The following WASHC4 variants were observed in gnomAD, a reference collection of about 807,000 sequenced individuals.
WASHC4 encodes the protein WASH complex subunit 4, also known as WASH complex subunit 7.
WASHC4 carries 86 observed loss-of-function variants against 166.6 expected under a neutral mutation model. The observed-to-expected ratio is 0.52, with a 90% CI of 0.43 to 0.62. The LOEUF (loss-of-function observed/expected upper bound fraction) is 0.62. WASHC4 is among the 20% of genes least tolerant of loss of function. WASHC4 has a pLI of 0.00. For missense variants in WASHC4, 1,262 were observed against 1,382.4 expected (o/e 0.91, Z 1.38); for synonymous variants, 446 against 451.6 (o/e 0.99, Z 0.16).
At chr12:105,146,364 G>T in intron 22 of WASHC4, 88 bp from the exon 23 acceptor site, 1 of 818,764 alleles carries the variant, frequency 1.2e-6, no homozygotes, top group Non-Finnish European at 2.1e-6. Context: ...TTAGGAAACA[G>T]TATAATCAAT....
chr12:105,108,052 G>A (rs1226566474), intron 1 of WASHC4, among the ~76,000 whole-genome samples, 191 bp downstream of exon 1: 1 of 152,196 alleles, frequency 6.6e-6, no homozygotes, highest in African/African-American at 2.4e-5. Context: ...GCCACGGCGG[G>A]TCAGGCTGCC....
chr12:105,137,895 T>C lies in WASHC4; in HGVS notation c.1336T>C (p.Tyr446His). The change falls in exon 15 of 33, where the codon TAT becomes CAT. Residue 446 changes from tyrosine (Y) to histidine (H), a missense_variant. Coordinates refer to ENST00000332180, the MANE Select transcript of WASHC4 (RefSeq NM_015275.3). Reference protein sequence around the residue: ...RCNVFIQGFLYAYSISTIIKT... With the variant: ...RCNVFIQGFLHAYSISTIIKT... Reference sequence around the variant, plus strand: ...ATGTTTTCCTTTACAGGGCTTCTTGTATGCATATAGTATTAGTACCATTAT... The same window carrying C: ...ATGTTTTCCTTTACAGGGCTTCTTGCATGCATATAGTATTAGTACCATTAT... 1 of 1,606,244 alleles carries C rather than the reference T, an allele frequency of 6.2e-7. No homozygotes were observed. Among genetic ancestry groups the C allele is most frequent in the Non-Finnish European group, 8.5e-7 (1 of 1,173,296 alleles).
chr12:105,160,190 A>C, intron 29 of WASHC4, 42 bp downstream of exon 29: 1 of 1,521,836 alleles, frequency 6.6e-7, no homozygotes, highest in Non-Finnish European at 9.1e-7. Flanking sequence ...TTTTTTAAAA[A>C]GAGTATGCAC....
chr12:105,133,321 C>A (rs892974443), intron 13 of WASHC4, among the ~76,000 whole-genome samples: 1 of 152,222 alleles, frequency 6.6e-6, no homozygotes, highest in Non-Finnish European at 1.5e-5. Flanking sequence ...ATTACTCATT[C>A]ATCTGCTTCA....
At chr12:105,158,888 G>C (rs868595440) in intron 28 of WASHC4, among the ~76,000 whole-genome samples, 22 of 152,296 alleles carry the variant, frequency 1.4e-4, no homozygotes, top group Middle Eastern at 6.8e-3. Flanking sequence ...TCTAGTTGAA[G>C]GGTATACGGG....
chr12:105,149,755 C>G lies in WASHC4; in HGVS notation c.2649+6C>G. 6.3e-7 allele frequency: 1 copy of G among 1,589,000 alleles called. No individual in the cohort carries two copies. ...AGGACCAAAATGATCATAAGGTAGG[C>G]TACCTATTCTTTTTAAGGTATTTGA... On this transcript the variant is annotated splice_donor_region_variant and intron_variant, in intron 25 of 32. Transcript: ENST00000332180.
At chr12:105,164,546 A>AAAT (rs146551772) in intron 31 of WASHC4, 95 bp from the exon 32 acceptor site, 2 of 933,426 alleles carry the variant, frequency 2.1e-6, no homozygotes, top group South Asian at 1.5e-5. Flanking sequence ...GAGCTTTTAA[A>AAAT]AATAATAATA....
intron 1 of WASHC4, 104 bp downstream of exon 1, chr12:105,107,965 TG>T (rs1172074297): frequency 1.2e-6 from 1 of 857,144 alleles, no homozygotes; most frequent in African/African-American, 1.7e-5. Context: ...CGCAGCCGTC[TG>T]GTGCGGGACA....
chr12:105,111,396 GTTAAT>G, intron 2 of WASHC4, 132 bp downstream of exon 2: 1 of 645,664 alleles, frequency 1.5e-6, no homozygotes, highest in Admixed American at 3.1e-5. Context: ...GGAGAAAATT[GTTAAT>G]TTCCTTTTCT....
At chr12:105,120,716 GTGTGTGTT>G in intron 8 of WASHC4, 119 bp downstream of exon 8, 1 of 707,022 alleles carries the variant, frequency 1.4e-6, no homozygotes, top group Non-Finnish European at 2.6e-6. Context: ...GTGTGTGTGT[GTGTGTGTT>G]TGTGTGTGTT....
rs753813399 is a variant in WASHC4 at position 105,167,489 on chromosome 12, TTTCA to T, written c.*561_*564del. The T allele has an allele frequency of 6.5e-6, 1 of 152,732 alleles. No individual in the cohort carries two copies. Among genetic ancestry groups the T allele is most frequent in the Admixed American group, 6.5e-5 (1 of 15,300 alleles). 9.5% of individuals were successfully genotyped at this position (152,732 alleles called of 1,614,324 possible). A position where few individuals can be genotyped will look rare whatever the true frequency, so the allele number is the denominator to read the frequency against. On this transcript the variant is annotated 3_prime_UTR_variant, in exon 33 of 33. Transcript: ENST00000332180. ...TGTACAGTATAACTGATGATCCTTCTTTCATTGTTAATTTCATGTGACTCACAAG... is the reference window on the plus strand; with the variant it reads ...TGTACAGTATAACTGATGATCCTTCTTTGTTAATTTCATGTGACTCACAAG...
intron 24 of WASHC4, 64 bp from the exon 25 acceptor site, chr12:105,149,551 T>C: frequency 8.7e-7 from 1 of 1,155,076 alleles, no homozygotes. Context: ...TAAAATTTAT[T>C]TGAATTGATT....
In WASHC4 at chr12:105,142,501, C is replaced by G. The variant is rs760811611; in HGVS notation, c.1836C>G (p.Val612=). 1 of 1,610,904 alleles carries G rather than the reference C, an allele frequency of 6.2e-7. No homozygotes were observed. Among genetic ancestry groups the G allele is most frequent in the Non-Finnish European group, 8.5e-7 (1 of 1,177,914 alleles). ...DCCFLYWHRA[V]FPIYLDDVYE... is the part of the protein sequence containing the mutation. Reference sequence around the variant, plus strand: ...GTTTTTTATACTGGCATCGAGCTGTCTTCCCAATTTATTTAGATGATGTAT... The same window carrying G: ...GTTTTTTATACTGGCATCGAGCTGTGTTCCCAATTTATTTAGATGATGTAT... The change falls in exon 19 of 33, where the codon GTC becomes GTG. Residue 612 remains valine, a synonymous_variant. Transcript: ENST00000332180.
intron 13 of WASHC4, among the ~76,000 whole-genome samples, chr12:105,132,493 A>C (rs1881927831): frequency 6.6e-6 from 1 of 152,224 alleles, no homozygotes; most frequent in South Asian, 2.1e-4. Flanking sequence ...TTTTTAAAGA[A>C]AAGTATAGCT....
intron 28 of WASHC4, among the ~76,000 whole-genome samples, chr12:105,158,550 C>T (rs1184044990): frequency 3.9e-5 from 6 of 151,988 alleles, no homozygotes; most frequent in East Asian, 1.9e-4. Context: ...AAAAAATACA[C>T]GGAGATTGTT....
At chr12:105,142,950 A>T (rs961302946) in intron 19 of WASHC4, among the ~76,000 whole-genome samples, 177 bp from the exon 20 acceptor site, 18 of 152,098 alleles carry the variant, frequency 1.2e-4, no homozygotes, top group African/African-American at 4.1e-4. Flanking sequence ...TTTTGGGTAT[A>T]TTTAGTTAAA....
At chr12:105,136,768 C>A (rs113913462) in intron 14 of WASHC4, among the ~76,000 whole-genome samples, 28 of 152,210 alleles carry the variant, frequency 1.8e-4, no homozygotes, top group African/African-American at 6.3e-4. Context: ...CATGTATGTG[C>A]CAAGCTTTGG....
chr12:105,119,803 G>A (rs560843194), intron 7 of WASHC4, among the ~76,000 whole-genome samples: 4 of 152,326 alleles, frequency 2.6e-5, no homozygotes, highest in Non-Finnish European at 4.4e-5. Flanking sequence ...TTTAAAACTT[G>A]TTGAGCAAAA....
intron 1 of WASHC4, among the ~76,000 whole-genome samples, chr12:105,109,649 CTTTTT>C (rs36080234): frequency 1.1e-4 from 11 of 97,624 alleles, no homozygotes; most frequent in African/African-American, 1.6e-4. Flanking sequence ...CTAGCATTGT[CTTTTT>C]TTTTTTTTTT....
Sources: allele counts gnomAD v4.1 joint callset (sites outside exome capture counted in the v4.1 genomes callset), GRCh38; gene constraint gnomAD v4.1.1; transcripts MANE v1.5; gene names NCBI Gene and HGNC (gene_info 2026-07-23, HGNC 2026-07-21).